The following CDH2 variants were observed in gnomAD, a reference collection of about 807,000 sequenced individuals.
The protein encoded by CDH2 is cadherin 2, also known as cadherin-2.
Under a neutral mutation model 92.0 loss-of-function variants are expected in CDH2, and 17 were observed. The observed-to-expected ratio is 0.18, with a 90% CI of 0.13 to 0.28. CDH2 has a LOEUF of 0.28. CDH2 is among the 10% of genes least tolerant of loss of function. The pLI, the probability that CDH2 is intolerant of heterozygous loss-of-function variation, is 1.00. For synonymous variants in CDH2, 419 were observed against 415.9 expected, an observed-to-expected ratio of 1.01 and a Z score of -0.09; for missense variants, 862 against 1,133.1, an observed-to-expected ratio of 0.76 and a Z score of 3.44.
At chr18:28,133,717 C>G (rs2015813969) in intron 2 of CDH2, among the ~76,000 whole-genome samples, 1 of 151,810 alleles carries the variant, frequency 6.6e-6, no homozygotes, top group African/African-American at 2.4e-5. Flanking sequence ...CATATGCTAG[C>G]TCTTAACAAC....
Position 28,003,029 on chromosome 18 carries a change from T to C in CDH2, c.988A>G (p.Ile330Val), listed in dbSNP as rs761713124. 4.3e-6 allele frequency: 7 copies of C among 1,614,094 alleles called. No homozygotes were observed. Among genetic ancestry groups the C allele is most frequent in the Non-Finnish European group, 5.9e-6 (7 of 1,179,954 alleles). Reference protein sequence around the residue: ...MFTINNETGDIITVAAGLDRE... With the variant: ...MFTINNETGDVITVAAGLDRE... ...TCAAGTCCAGCTGCCACTGTGATGA[T>C]GTCACCAGTCTCATTGTTGATTGTA... The change falls in exon 7 of 16, where the codon ATC becomes GTC. Residue 330 changes from isoleucine to valine, a missense_variant. Ile to Val is a conservative substitution (Grantham distance 29). Coordinates refer to ENST00000269141, the MANE Select transcript of CDH2 (RefSeq NM_001792.5).
chr18:27,947,355 T>C (rs1909293533), downstream of CDH2, among the ~76,000 whole-genome samples: 1 of 151,830 alleles, frequency 6.6e-6, no homozygotes, highest in East Asian at 1.9e-4. Flanking sequence ...CATGAAAGTA[T>C]ATACAATGTG....
intron 2 of CDH2, among the ~76,000 whole-genome samples, chr18:28,104,201 T>C (rs2015283811): frequency 6.6e-6 from 1 of 152,204 alleles, no homozygotes; most frequent in Non-Finnish European, 1.5e-5. Context: ...CAAAAATTTC[T>C]TTAGGTTCTC....
chr18:28,122,426 C>T (rs1307089195), intron 2 of CDH2, among the ~76,000 whole-genome samples: 1 of 152,110 alleles, frequency 6.6e-6, no homozygotes, highest in African/African-American at 2.4e-5. Context: ...CTCATTATTA[C>T]ATACTGGCTT....
intron 2 of CDH2, among the ~76,000 whole-genome samples, chr18:28,094,331 TAC>T (rs1281326129): frequency 2.7e-5 from 4 of 149,232 alleles, no homozygotes; most frequent in Non-Finnish European, 5.9e-5. Flanking sequence ...TACAAAAAAA[TAC>T]AAAAATTAGC....
chr18:27,967,484 C>A (rs2011558809), intron 14 of CDH2, among the ~76,000 whole-genome samples: 1 of 152,192 alleles, frequency 6.6e-6, no homozygotes, highest in Non-Finnish European at 1.5e-5. Flanking sequence ...CATGGCCTTA[C>A]TCCTGAAGAT....
At chr18:27,986,619 A>T in intron 11 of CDH2, among the ~76,000 whole-genome samples, 1 of 152,328 alleles carries the variant, frequency 6.6e-6, no homozygotes, top group Admixed American at 6.5e-5. Context: ...AATGCTGTAC[A>T]CTGAAGACCA....
intron 1 of CDH2, among the ~76,000 whole-genome samples, chr18:28,169,338 A>T (rs2016431048): frequency 2.0e-5 from 3 of 152,314 alleles, no homozygotes; most frequent in Admixed American, 6.5e-5. Flanking sequence ...AAGCAGTAAC[A>T]TCAAAATCCA....
chr18:27,989,793 T>C (rs995533456), intron 10 of CDH2, among the ~76,000 whole-genome samples: 3 of 152,172 alleles, frequency 2.0e-5, no homozygotes, highest in African/African-American at 2.4e-5. Flanking sequence ...TTTGTGATGT[T>C]TGGCATAAAG....
intron 2 of CDH2, among the ~76,000 whole-genome samples, chr18:28,074,000 A>G (rs2014671193): frequency 6.6e-6 from 1 of 152,202 alleles, no homozygotes; most frequent in African/African-American, 2.4e-5. Flanking sequence ...GGTGGTGGGA[A>G]GCAGGAAGAT....
intron 2 of CDH2, among the ~76,000 whole-genome samples, chr18:28,099,588 G>A (rs2015193852): frequency 1.3e-5 from 2 of 152,048 alleles, no homozygotes; most frequent in Non-Finnish European, 2.9e-5. Context: ...GAAACCACTA[G>A]AAAGAAGTTT....
intron 14 of CDH2, among the ~76,000 whole-genome samples, chr18:27,968,621 A>T (rs960218037): frequency 2.6e-5 from 4 of 152,244 alleles, no homozygotes; most frequent in African/African-American, 9.6e-5. Flanking sequence ...GGCCTTTATC[A>T]GCCTCCACTG....
At position 27,985,075 on chromosome 18, in the gene CDH2, C is replaced by T. The variant is rs772245129; in HGVS notation, c.2134G>A (p.Val712Met). Reference protein sequence around the residue: ...QCDSNGDCTDVDRIVGAGLGT... With the variant: ...QCDSNGDCTDMDRIVGAGLGT... ...AGCCCCGCACCCACAATCCTGTCCA[C>T]ATCTGTGCAGTCCCCGTTGGAGTCA... The change falls in exon 13 of 16, where the codon GTG becomes ATG. Residue 712 changes from valine to methionine, a missense_variant. Physicochemically the swap from Val to Met is conservative, Grantham distance 21. Transcript: ENST00000269141. 2 of 1,614,216 alleles carry T rather than the reference C, an allele frequency of 1.2e-6. No homozygotes were observed. The highest frequency in any genetic ancestry group is 1.1e-5 in the South Asian group (1 of 91,084).
chr18:28,057,520 C>A (rs2014314993), intron 2 of CDH2, among the ~76,000 whole-genome samples: 1 of 151,908 alleles, frequency 6.6e-6, no homozygotes, highest in Non-Finnish European at 1.5e-5. Context: ...ATACAAAAAT[C>A]AGCTGGGCAT....
chr18:27,980,504 C>T (rs1023178332), intron 14 of CDH2, among the ~76,000 whole-genome samples: 2 of 152,226 alleles, frequency 1.3e-5, no homozygotes, highest in Non-Finnish European at 2.9e-5. Context: ...TCCTACATCA[C>T]ATATTTTATT....
chr18:28,063,618 A>C (rs541611833), intron 2 of CDH2, among the ~76,000 whole-genome samples: 15 of 152,310 alleles, frequency 9.8e-5, no homozygotes, highest in African/African-American at 3.4e-4. Context: ...TCAACATGCA[A>C]AACTAAATGT....
chr18:28,007,313 C>T (rs1294615419), intron 5 of CDH2, among the ~76,000 whole-genome samples: 2 of 151,502 alleles, frequency 1.3e-5, no homozygotes, highest in East Asian at 3.9e-4. Context: ...CTACACTTGG[C>T]AGAATATCAA....
At position 27,964,770 on chromosome 18, in the gene CDH2, G is replaced by A. The variant is rs1214004971; in HGVS notation, c.2350-1249C>T. Among the ~76,000 whole-genome samples, 4 of 152,206 alleles carry A rather than the reference G, an allele frequency of 2.6e-5. No homozygotes were observed. In the East Asian group the frequency reaches 5.8e-4, roughly 22 times the overall value. The stretch of plus-strand genomic sequence containing the variant: ...GAGTTTCAAATAACCCAAGTAAGTC[G>A]CATATGGTCCCAGATCTATTAAGAA... On this transcript the variant is annotated intron_variant, in intron 14 of 15. Transcript: ENST00000269141.
chr18:27,942,890 C>T (rs554545741), intron 6 of CDH2, among the ~76,000 whole-genome samples: 20 of 152,148 alleles, frequency 1.3e-4, no homozygotes, highest in South Asian at 4.2e-4. Flanking sequence ...TGAGTAAGAA[C>T]GCTAGGAATG....
Sources: allele counts gnomAD v4.1 joint callset (sites outside exome capture counted in the v4.1 genomes callset), GRCh38; gene constraint gnomAD v4.1.1; transcripts MANE v1.5; gene names NCBI Gene and HGNC (gene_info 2026-07-23, HGNC 2026-07-21).